DIAPH2: variants seen among roughly 807,000 people sequenced by gnomAD.
The protein encoded by DIAPH2 is protein diaphanous homolog 2.
Under a neutral mutation model 92.7 loss-of-function variants are expected in DIAPH2, and 35 were observed. The ratio of observed to expected loss-of-function variants is 0.38; its 90% CI spans 0.29 to 0.50. The LOEUF is 0.50. DIAPH2 is among the 20% of genes least tolerant of loss of function. The pLI is 0.94. For synonymous variants in DIAPH2, 301 were observed against 280.4 expected, an observed-to-expected ratio of 1.07 and a Z score of -0.73; for missense variants, 701 against 819.5, an observed-to-expected ratio of 0.86 and a Z score of 1.77.
intron 16 of DIAPH2, among the ~76,000 whole-genome samples, chrX:96,962,380 C>CACATATATATAT (rs2065862170): frequency 2.3e-4 from 6 of 25,730 alleles, no homozygotes; most frequent in South Asian, 2.6e-3. Context: ...TATATATATA[C>CACATATATATAT]ACATATATAT....
intron 25 of DIAPH2, among the ~76,000 whole-genome samples, chrX:97,397,277 C>A (rs1414887559): frequency 9.0e-6 from 1 of 111,690 alleles, no homozygotes; most frequent in African/African-American, 3.3e-5. Flanking sequence ...AAATAATTAT[C>A]CTTTTAAATG....
At chrX:97,090,080 T>A (rs1480491792) in intron 19 of DIAPH2, among the ~76,000 whole-genome samples, 1 of 112,101 alleles carries the variant, frequency 8.9e-6, no homozygotes, top group Non-Finnish European at 1.9e-5. Context: ...TTGCTTTATA[T>A]CTGTTAGAAA....
At chrX:97,377,966 T>A (rs1485386235) in intron 24 of DIAPH2, among the ~76,000 whole-genome samples, 1 of 109,074 alleles carries the variant, frequency 9.2e-6, no homozygotes, top group African/African-American at 3.4e-5. Context: ...TTCTTCAGTG[T>A]CTAGCAAAAA....
intron 22 of DIAPH2, among the ~76,000 whole-genome samples, chrX:97,204,840 A>G (rs1305336006): frequency 2.7e-5 from 3 of 111,743 alleles, no homozygotes; most frequent in Middle Eastern, 4.2e-3. Flanking sequence ...TTCATATGGA[A>G]CCAAAAAAGA....
intron 26 of DIAPH2, among the ~76,000 whole-genome samples, chrX:97,478,026 A>G (rs1190497241): frequency 9.0e-6 from 1 of 111,626 alleles, no homozygotes; most frequent in Non-Finnish European, 1.9e-5. Flanking sequence ...TCAGCTCCCC[A>G]GGCCTAAGTC....
At chrX:97,456,366 G>A (rs1213755347) in intron 26 of DIAPH2, among the ~76,000 whole-genome samples, 1 of 108,620 alleles carries the variant, frequency 9.2e-6, no homozygotes, top group African/African-American at 3.4e-5. Context: ...CAGCCTGGGC[G>A]ACAGAGCAAG....
chrX:97,109,232 C>T (rs960109770), intron 20 of DIAPH2, among the ~76,000 whole-genome samples: 1 of 110,604 alleles, frequency 9.0e-6, no homozygotes, highest in African/African-American at 3.3e-5. Flanking sequence ...CCAGCCTGGG[C>T]AACATGGCAC....
rs980535761 is a variant in DIAPH2, at chrX:97,604,691, A to G, written c.*5374A>G. Reference sequence around the variant, plus strand: ...TGACACCTTTGACCAAATGCCTTCTATGGTTCACAGTGCAGGCACAAAACT... The same window carrying G: ...TGACACCTTTGACCAAATGCCTTCTGTGGTTCACAGTGCAGGCACAAAACT... On this transcript the variant is annotated 3_prime_UTR_variant, in exon 27 of 27. Transcript: ENST00000324765. 1.8e-5 allele frequency: 2 copies of G among 112,324 alleles called. No individual in the cohort carries two copies. Among genetic ancestry groups the G allele is most frequent in the African/African-American group, 3.2e-5 (1 of 30,784 alleles). 9.3% of individuals were successfully genotyped at this position (112,324 alleles called of 1,213,427 possible).
chrX:97,592,107 T>C (rs1453681502), intron 26 of DIAPH2, among the ~76,000 whole-genome samples: 1 of 112,448 alleles, frequency 8.9e-6, no homozygotes, highest in Non-Finnish European at 1.9e-5. Flanking sequence ...TTATGGTAGA[T>C]AAAAGTAAGT....
intron 16 of DIAPH2, among the ~76,000 whole-genome samples, chrX:96,958,893 G>A (rs918760644): frequency 1.6e-4 from 18 of 111,310 alleles, no homozygotes; most frequent in Non-Finnish European, 3.8e-5. Flanking sequence ...CATACATATT[G>A]CTGCAAATGA....
At chrX:97,454,830 G>A (rs2070389948) in intron 26 of DIAPH2, among the ~76,000 whole-genome samples, 1 of 108,962 alleles carries the variant, frequency 9.2e-6, no homozygotes, top group Non-Finnish European at 1.9e-5. Context: ...ACTCCAGCCT[G>A]GTGACAGAGT....
chrX:97,201,131 A>C (rs865797829), intron 22 of DIAPH2, among the ~76,000 whole-genome samples: 321 of 68,746 alleles, frequency 4.7e-3, no homozygotes, highest in Middle Eastern at 9.4e-3. Context: ...AACAAGAAAG[A>C]CCCCCCCCCC....
chrX:97,305,684 G>A (rs1008235228), intron 23 of DIAPH2, among the ~76,000 whole-genome samples: 41 of 108,501 alleles, frequency 3.8e-4, no homozygotes, highest in Non-Finnish European at 5.1e-4. Flanking sequence ...TTAGCTGGAC[G>A]TGGTGGTGCG....
intron 4 of DIAPH2, among the ~76,000 whole-genome samples, chrX:96,862,447 TTC>T (rs1048962412): frequency 8.9e-6 from 1 of 111,745 alleles, no homozygotes; most frequent in African/African-American, 3.3e-5. Flanking sequence ...CATTCATCCT[TTC>T]TTTAAGTTCC....
chrX:97,317,373 C>T (rs759178388), intron 23 of DIAPH2, among the ~76,000 whole-genome samples: 85 of 111,895 alleles, frequency 7.6e-4, no homozygotes, highest in African/African-American at 2.0e-3. Flanking sequence ...GCCTTGCCTT[C>T]TCTTGCCTAG....
chrX:97,077,242 G>A (rs942163450), intron 19 of DIAPH2, among the ~76,000 whole-genome samples: 5 of 111,404 alleles, frequency 4.5e-5, no homozygotes, highest in African/African-American at 1.6e-4. Context: ...CCCCAAGAGA[G>A]ATGACTTCCC....
chrX:97,012,494 C>T (rs766635309), intron 17 of DIAPH2, among the ~76,000 whole-genome samples: 2 of 111,972 alleles, frequency 1.8e-5, no homozygotes, highest in South Asian at 7.5e-4. Flanking sequence ...ATGTATATCC[C>T]ATGAAAATGG....
intron 22 of DIAPH2, among the ~76,000 whole-genome samples, chrX:97,178,378 G>A (rs1013233382): frequency 9.4e-6 from 1 of 106,319 alleles, no homozygotes; most frequent in African/African-American, 3.4e-5. Flanking sequence ...TTAAAGACTA[G>A]TATACTCCTA....
chrX:97,017,766 A>T (rs984544318), intron 17 of DIAPH2, among the ~76,000 whole-genome samples: 1 of 112,138 alleles, frequency 8.9e-6, no homozygotes, highest in African/African-American at 3.2e-5. Context: ...CAGTAGTGTG[A>T]CTTAAAAAGA....
Sources: gnomAD v4.1 joint callset for allele counts (sites outside exome capture counted in the v4.1 genomes callset) on GRCh38, gnomAD v4.1.1 for gene constraint, MANE v1.5 for transcripts, NCBI Gene and HGNC (gene_info 2026-07-23, HGNC 2026-07-21) for gene names.